Variants in MALRD1 observed in about 807,000 individuals in gnomAD.
MALRD1 encodes the protein MAM and LDL receptor class A domain containing 1, also known as MAM and LDL-receptor class A domain-containing protein 1.
Under a neutral mutation model 242.1 loss-of-function variants are expected in MALRD1, and 247 were observed. The observed-to-expected ratio is 1.02, with a 90% CI of 0.92 to 1.13. The LOEUF (loss-of-function observed/expected upper bound fraction) is 1.13, where lower values mean the gene tolerates loss of function less well. Among genes scored for constraint, MALRD1 ranks in the 50% most tolerant of loss-of-function variants. MALRD1 has a pLI of 0.00. For missense variants in MALRD1, 2,989 were observed against 2,533.1 expected, an observed-to-expected ratio of 1.18 and a Z score of -3.86; for synonymous variants, 995 against 866.6, an observed-to-expected ratio of 1.15 and a Z score of -2.60.
chr10:19,700,729 C>G (rs935739328), intron 38 of MALRD1, among the ~76,000 whole-genome samples: 1 of 152,078 alleles, frequency 6.6e-6, no homozygotes, highest in Non-Finnish European at 1.5e-5. Flanking sequence ...AAACAAAAGG[C>G]TTTTTTCCCT....
In MALRD1 at chr10:19,534,472, G is replaced by C. The variant is rs150212830; in HGVS notation, c.5478+3121G>C. 4.2e-3 allele frequency among the ~76,000 whole-genome samples: 638 copies of C among 152,176 alleles called. 4 individuals carry two copies. Among genetic ancestry groups the C allele is most frequent in the South Asian group, 0.015 (72 of 4,810 alleles). ...CTAATTTCGGTATTACAGTACTGCA[G>C]GACCACTCCTTATAAAGGAGATGTG... On this transcript the variant is annotated intron_variant, in intron 32 of 39. Coordinates refer to ENST00000454679, the MANE Select transcript of MALRD1 (RefSeq NM_001142308.3).
chr10:19,411,659 C>T (rs1352370170), intron 28 of MALRD1, among the ~76,000 whole-genome samples: 1 of 152,138 alleles, frequency 6.6e-6, no homozygotes, highest in Non-Finnish European at 1.5e-5. Flanking sequence ...GCTTAACTAT[C>T]ACCCCAGACT....
chr10:19,684,764 A>G (rs1425170095), intron 36 of MALRD1, among the ~76,000 whole-genome samples: 1 of 152,224 alleles, frequency 6.6e-6, no homozygotes, highest in Non-Finnish European at 1.5e-5. Context: ...AAACAAATAA[A>G]TAAATAAATA....
chr10:19,121,383 T>C (rs922983266), intron 5 of MALRD1, among the ~76,000 whole-genome samples: 27 of 152,290 alleles, frequency 1.8e-4, no homozygotes, highest in African/African-American at 5.8e-4. Context: ...TGGTTAATGA[T>C]ATGTTTTGTG....
chr10:19,100,004 G>A (rs1217533953), intron 4 of MALRD1, among the ~76,000 whole-genome samples: 1 of 151,974 alleles, frequency 6.6e-6, no homozygotes, highest in African/African-American at 2.4e-5. Flanking sequence ...CAGGTGATCC[G>A]CCTGCCTTGG....
intron 18 of MALRD1, among the ~76,000 whole-genome samples, chr10:19,235,900 G>A (rs1190941261): frequency 2.6e-5 from 4 of 151,976 alleles, no homozygotes; most frequent in African/African-American, 9.7e-5. Flanking sequence ...ACATCGAAGT[G>A]GAAATAACAG....
intron 12 of MALRD1, among the ~76,000 whole-genome samples, chr10:19,155,599 G>A (rs1834114171): frequency 6.6e-6 from 1 of 152,166 alleles, no homozygotes; most frequent in African/African-American, 2.4e-5. Flanking sequence ...CACAAACTAA[G>A]GAGTGAAATA....
intron 19 of MALRD1, among the ~76,000 whole-genome samples, chr10:19,268,120 T>G: frequency 6.6e-6 from 1 of 152,160 alleles, no homozygotes; most frequent in East Asian, 1.9e-4. Context: ...AAATTTTCCA[T>G]CTGCTACTTC....
intron 21 of MALRD1, among the ~76,000 whole-genome samples, chr10:19,294,945 C>A (rs1200220963): frequency 6.6e-6 from 1 of 151,868 alleles, no homozygotes; most frequent in African/African-American, 2.4e-5. Context: ...TTATATTGAC[C>A]ATACTGTTTT....
chr10:19,270,269 C>G (rs200064824), intron 19 of MALRD1, among the ~76,000 whole-genome samples: 8 of 151,652 alleles, frequency 5.3e-5, no homozygotes, highest in Non-Finnish European at 7.4e-5. Flanking sequence ...GATTTGAGAT[C>G]GCGCCACTGC....
intron 36 of MALRD1, among the ~76,000 whole-genome samples, chr10:19,649,317 C>G: frequency 6.6e-6 from 1 of 152,268 alleles, no homozygotes. Flanking sequence ...CACCACAGTG[C>G]TTTCCAGAAT....
chr10:19,271,384 A>G (rs575692549), intron 19 of MALRD1, among the ~76,000 whole-genome samples: 19 of 152,348 alleles, frequency 1.2e-4, no homozygotes, highest in African/African-American at 4.1e-4. Flanking sequence ...GAAAGCTTCC[A>G]TTCATCTAAA....
chr10:19,525,182 T>A (rs1263452656), intron 31 of MALRD1, among the ~76,000 whole-genome samples: 1 of 151,978 alleles, frequency 6.6e-6, no homozygotes, highest in Non-Finnish European at 1.5e-5. Flanking sequence ...CCCAAAGTGC[T>A]GAGATTACAG....
At chr10:19,600,701 G>A (rs923788175) in intron 34 of MALRD1, among the ~76,000 whole-genome samples, 6 of 152,050 alleles carry the variant, frequency 3.9e-5, no homozygotes, top group African/African-American at 1.4e-4. Flanking sequence ...ATGCAGCAAC[G>A]ATAATCGATT....
chr10:19,635,985 C>T (rs61841441), intron 36 of MALRD1, among the ~76,000 whole-genome samples: 2 of 152,212 alleles, frequency 1.3e-5, no homozygotes, highest in Non-Finnish European at 2.9e-5. Flanking sequence ...ACTGCAACCT[C>T]CTCTTCCTGG....
intron 34 of MALRD1, among the ~76,000 whole-genome samples, chr10:19,607,033 C>T (rs1183555163): frequency 6.6e-6 from 1 of 152,118 alleles, no homozygotes; most frequent in Non-Finnish European, 1.5e-5. Context: ...ACTAGGTAGC[C>T]ATTGAACAGG....
chr10:19,205,368 G>A, intron 17 of MALRD1, 103 bp downstream of exon 17: 2 of 1,324,066 alleles, frequency 1.5e-6, no homozygotes, highest in Non-Finnish European at 2.0e-6. Flanking sequence ...AGTAAGCATA[G>A]CTCCAAAGCT....
At chr10:19,052,720 A>T (rs1834546337) in intron 1 of MALRD1, among the ~76,000 whole-genome samples, 1 of 151,678 alleles carries the variant, frequency 6.6e-6, no homozygotes, top group African/African-American at 2.4e-5. Flanking sequence ...GGTTTCTTTA[A>T]CTCTTAAATG....
chr10:19,452,873 G>T (rs551532433), intron 29 of MALRD1, among the ~76,000 whole-genome samples: 1 of 152,260 alleles, frequency 6.6e-6, no homozygotes, highest in Admixed American at 6.5e-5. Context: ...AACTATGTGG[G>T]CATGGCATCT....
Sources: allele counts gnomAD v4.1 joint callset (sites outside exome capture counted in the v4.1 genomes callset), GRCh38; gene constraint gnomAD v4.1.1; transcripts MANE v1.5; gene names NCBI Gene and HGNC (gene_info 2026-07-23, HGNC 2026-07-21).